CAMK1D: variants seen among roughly 807,000 people sequenced by gnomAD.
The protein encoded by CAMK1D is calcium/calmodulin dependent protein kinase ID.
Under a neutral mutation model 47.7 loss-of-function variants are expected in CAMK1D, and 9 were observed. The observed-to-expected ratio is 0.19, with a 90% CI of 0.11 to 0.33. The LOEUF (loss-of-function observed/expected upper bound fraction) is 0.33, where lower values mean the gene tolerates loss of function less well. Among genes scored for constraint, CAMK1D ranks in the 10% least tolerant of loss-of-function variants. The pLI, the probability that CAMK1D is intolerant of heterozygous loss-of-function variation, is 1.00. For missense variants in CAMK1D, 291 were observed against 488.7 expected (o/e 0.60, Z 3.81); for synonymous variants, 184 against 184.9 (o/e 0.99, Z 0.04).
At chr10:12,804,305 C>T (rs896481172) in intron 6 of CAMK1D, among the ~76,000 whole-genome samples, 1 of 152,104 alleles carries the variant, frequency 6.6e-6, no homozygotes, top group Non-Finnish European at 1.5e-5. Context: ...AATAATCGAT[C>T]GACAAATATT....
intron 3 of CAMK1D, among the ~76,000 whole-genome samples, chr10:12,693,616 G>A (rs1833021592): frequency 6.6e-6 from 1 of 151,528 alleles, no homozygotes; most frequent in African/African-American, 2.4e-5. Context: ...AGTGACAAGG[G>A]GTGAGACCCT....
rs866142556 is a variant in CAMK1D, at chr10:12,477,849, C to T, written c.93-75376C>T. 2.6e-5 allele frequency among the ~76,000 whole-genome samples: 4 copies of T among 152,154 alleles called. No homozygotes were observed. The South Asian group carries it at 8.3e-4, about 32-fold the overall frequency. ...GCCTTCGTGACCTCTGCCATCGTTT[C>T]AGGCAGTGGTGGTGTTGGATCCCAT... On this transcript the variant is annotated intron_variant, in intron 1 of 10. Transcript: ENST00000619168.
intron 1 of CAMK1D, among the ~76,000 whole-genome samples, chr10:12,507,783 G>A (rs759485531): frequency 2.0e-5 from 3 of 152,162 alleles, no homozygotes; most frequent in Non-Finnish European, 2.9e-5. Context: ...ATTCCTTGCC[G>A]TCTGCCTTGC....
At chr10:12,428,759 G>A (rs987267465) in intron 1 of CAMK1D, among the ~76,000 whole-genome samples, 6 of 152,174 alleles carry the variant, frequency 3.9e-5, no homozygotes, top group South Asian at 2.1e-4. Context: ...CTCCCAATGC[G>A]ACGGTGTTAG....
At chr10:12,632,843 C>T (rs778114117) in intron 2 of CAMK1D, among the ~76,000 whole-genome samples, 1 of 152,148 alleles carries the variant, frequency 6.6e-6, no homozygotes, top group African/African-American at 2.4e-5. Flanking sequence ...TACAGGCACG[C>T]ACCACCACGC....
intron 2 of CAMK1D, among the ~76,000 whole-genome samples, chr10:12,570,641 T>C (rs904806860): frequency 6.8e-6 from 1 of 148,072 alleles, no homozygotes; most frequent in Non-Finnish European, 1.5e-5. Flanking sequence ...GATCGCACCA[T>C]TGTGCTCCAG....
At chr10:12,354,660 T>TC (rs1837451214) in intron 1 of CAMK1D, among the ~76,000 whole-genome samples, 3 of 151,938 alleles carry the variant, frequency 2.0e-5, no homozygotes, top group African/African-American at 7.3e-5. Context: ...TCCGCCTGCC[T>TC]CGGCCTCCCA....
At chr10:12,784,143 C>G (rs1378899139) in intron 5 of CAMK1D, among the ~76,000 whole-genome samples, 2 of 151,724 alleles carry the variant, frequency 1.3e-5, no homozygotes, top group Non-Finnish European at 2.9e-5. Context: ...CAAAGTATTT[C>G]TTTCTGCCCT....
chr10:12,735,336 G>A (rs942353651), intron 3 of CAMK1D, among the ~76,000 whole-genome samples: 1 of 152,122 alleles, frequency 6.6e-6, no homozygotes, highest in Admixed American at 6.5e-5. Context: ...AAATTAGCCG[G>A]GCGTGGTGGC....
chr10:12,734,459 CACATACACATATGTGTATATAT>C (rs1564524543), intron 3 of CAMK1D, among the ~76,000 whole-genome samples: 1 of 3,898 alleles, frequency 2.6e-4, no homozygotes, highest in African/African-American at 2.8e-4. Flanking sequence ...TGTATATATA[CACATACACATATGTGTATATAT>C]ACACATATGT....
chr10:12,828,154 T>G (rs1833323202), intron 10 of CAMK1D, among the ~76,000 whole-genome samples: 1 of 152,224 alleles, frequency 6.6e-6, no homozygotes, highest in South Asian at 2.1e-4. Flanking sequence ...ACTAGCCTGG[T>G]GCCTGCTACA....
chr10:12,664,836 T>G (rs1840379057), intron 2 of CAMK1D, among the ~76,000 whole-genome samples: 1 of 152,212 alleles, frequency 6.6e-6, no homozygotes, highest in South Asian at 2.1e-4. Context: ...ATCCCATTCC[T>G]CCTATTTCTC....
rs553178449 is a variant in CAMK1D at position 12,714,359 on chromosome 10, G to A, written c.300-46589G>A. On this transcript the variant is annotated intron_variant, in intron 3 of 10. Coordinates refer to ENST00000619168, the MANE Select transcript of CAMK1D (RefSeq NM_153498.4). ...CACTTACATGCTCCCAGCCCAGAGA[G>A]GTTTAAAAGTATATTTATATTTTTA... 8.5e-5 allele frequency among the ~76,000 whole-genome samples: 13 copies of A among 152,066 alleles called. No individual in the cohort carries two copies. In the South Asian group the frequency reaches 2.5e-3, roughly 29 times the overall value.
At chr10:12,403,437 T>G (rs1839301697) in intron 1 of CAMK1D, among the ~76,000 whole-genome samples, 1 of 152,218 alleles carries the variant, frequency 6.6e-6, no homozygotes, top group African/African-American at 2.4e-5. Flanking sequence ...ACTTTACTTG[T>G]GAGGATTCAG....
At chr10:12,452,111 C>T (rs1386882778) in intron 1 of CAMK1D, among the ~76,000 whole-genome samples, 2 of 152,110 alleles carry the variant, frequency 1.3e-5, no homozygotes, top group South Asian at 2.1e-4. Flanking sequence ...TTGCGGATCC[C>T]TTTGCAAGCC....
At chr10:12,702,285 G>A (rs2130724156) in intron 3 of CAMK1D, among the ~76,000 whole-genome samples, 1 of 152,330 alleles carries the variant, frequency 6.6e-6, no homozygotes, top group East Asian at 1.9e-4. Flanking sequence ...TCGAGGAGGT[G>A]AGGTTGTTGG....
chr10:12,748,872 C>T (rs1013174108), intron 3 of CAMK1D, among the ~76,000 whole-genome samples: 6 of 152,114 alleles, frequency 3.9e-5, no homozygotes, highest in South Asian at 2.1e-4. Flanking sequence ...CTGCAGTGAT[C>T]GTAGCAGTGC....
At chr10:12,689,251 C>G (rs188777766) in intron 3 of CAMK1D, among the ~76,000 whole-genome samples, 1 of 152,182 alleles carries the variant, frequency 6.6e-6, no homozygotes, top group African/African-American at 2.4e-5. Flanking sequence ...CTCCTGCCCA[C>G]CCCTGCTCTT....
intron 3 of CAMK1D, among the ~76,000 whole-genome samples, chr10:12,742,159 A>C (rs774381620): frequency 2.0e-5 from 3 of 152,202 alleles, no homozygotes; most frequent in Non-Finnish European, 2.9e-5. Context: ...ATTTTTAGAC[A>C]GGGTCTCGCT....
Sources: gnomAD v4.1 joint callset for allele counts (sites outside exome capture counted in the v4.1 genomes callset) on GRCh38, gnomAD v4.1.1 for gene constraint, MANE v1.5 for transcripts, NCBI Gene and HGNC (gene_info 2026-07-23, HGNC 2026-07-21) for gene names.